Variants in KLHDC4 observed in about 807,000 individuals in gnomAD.
KLHDC4 encodes the protein kelch domain-containing protein 4.
KLHDC4 carries 90 observed loss-of-function variants against 62.4 expected under a neutral mutation model. The observed-to-expected ratio is 1.44, with a 90% confidence interval of 1.22 to 1.72. KLHDC4 has a LOEUF of 1.72. Ranked by LOEUF, KLHDC4 falls within the 40% of genes most tolerant of loss-of-function variation. KLHDC4 has a pLI of 0.00. For synonymous variants in KLHDC4, 386 were observed against 284.4 expected (o/e 1.36, Z -3.59); for missense variants, 1,025 against 699.7 (o/e 1.47, Z -5.25).
downstream of KLHDC4, among the ~76,000 whole-genome samples, chr16:87,704,209 C>T (rs994709515): frequency 6.6e-6 from 1 of 152,254 alleles, no homozygotes; most frequent in Non-Finnish European, 1.5e-5. Flanking sequence ...CGCCTCGTCA[C>T]CTGAACGACA....
rs1039792317 is a variant in KLHDC4, at chr16:87,701,521, C to T, written c.*118G>A. 3.6e-4 allele frequency: 131 copies of T among 366,670 alleles called. 1 individual carries two copies. Among genetic ancestry groups the T allele is most frequent in the Admixed American group, 6.0e-4 (18 of 30,116 alleles). 22.7% of individuals were successfully genotyped at this position (366,670 alleles called of 1,614,324 possible). ...CTAGGAGAAGCAAGCAGCCCCGTGA[C>T]GGGCACAGGCCACAGTGTGGGCGTG... On this transcript the variant is annotated 3_prime_UTR_variant, in exon 1 of 1. Coordinates refer to the KLHDC4 transcript ENST00000446344.
At chr16:87,735,164 G>C (rs1412844203) in intron 5 of KLHDC4, among the ~76,000 whole-genome samples, 1 of 151,976 alleles carries the variant, frequency 6.6e-6, no homozygotes. Flanking sequence ...GCCAGGCATG[G>C]TGGCGGGCGC....
chr16:87,752,367 C>T (rs924964965), intron 4 of KLHDC4, among the ~76,000 whole-genome samples: 63 of 147,360 alleles, frequency 4.3e-4, no homozygotes, highest in Middle Eastern at 3.7e-3. Context: ...GACAGAGTCT[C>T]GCTCTGTCAC....
At chr16:87,717,609 A>G (rs1382169234) in intron 7 of KLHDC4, among the ~76,000 whole-genome samples, 2 of 152,230 alleles carry the variant, frequency 1.3e-5, no homozygotes, top group South Asian at 2.1e-4. Flanking sequence ...CATTACAGAC[A>G]GTGATTGAGA....
intron 5 of KLHDC4, among the ~76,000 whole-genome samples, chr16:87,740,287 CAT>C (rs1285565648): frequency 4.6e-5 from 7 of 152,206 alleles, no homozygotes; most frequent in African/African-American, 1.2e-4. Flanking sequence ...TCCCACCCGA[CAT>C]GTGTGCATCC....
At chr16:87,702,271 C>T (rs2034178845) in exon 1 of KLHDC4, 1 of 456,358 alleles carries the variant, frequency 2.2e-6, no homozygotes, top group Non-Finnish European at 4.4e-6. Flanking sequence ...CCATAAAGGG[C>T]AGCCACTGTT....
intron 2 of KLHDC4, 65 bp downstream of exon 2, chr16:87,761,884 T>G: frequency 6.7e-7 from 1 of 1,489,260 alleles, no homozygotes; most frequent in Non-Finnish European, 9.3e-7. Flanking sequence ...TGGTGCTATT[T>G]AAAGCAGTTT....
At chr16:87,708,252 A>T (rs375550692) in intron 11 of KLHDC4, 98 bp downstream of exon 11, 56 of 877,454 alleles carry the variant, frequency 6.4e-5, no homozygotes, top group East Asian at 4.2e-4. Flanking sequence ...GTTTTTAAAA[A>T]ATTTACAAAG....
intron 5 of KLHDC4, among the ~76,000 whole-genome samples, chr16:87,733,355 C>T (rs1458221391): frequency 1.3e-5 from 2 of 152,228 alleles, no homozygotes; most frequent in Admixed American, 6.5e-5. Flanking sequence ...AGCAGGTGCT[C>T]AGAAAGCTCG....
intron 7 of KLHDC4, among the ~76,000 whole-genome samples, chr16:87,721,671 G>T (rs59309425): frequency 2.0e-4 from 31 of 152,312 alleles, no homozygotes; most frequent in African/African-American, 7.2e-4. Context: ...GTCTGCTTCT[G>T]GTATTCCAGG....
At position 87,748,711 on chromosome 16, in the gene KLHDC4, C is replaced by G; in HGVS notation, c.468G>C (p.Trp156Cys). The G allele has an allele frequency of 1.2e-6, 2 of 1,613,614 alleles. No homozygotes were observed. The highest frequency in any genetic ancestry group is 1.7e-6 in the Non-Finnish European group (2 of 1,179,946). ...AGGTCTTGGTGGCCAAATGCAGGAC[C>G]CAGAGATCCTTGTAGTGGTAGAACT... is the stretch of plus-strand genomic sequence containing the variant. Reference protein sequence around the residue: ...GEQFYHYKDLWVLHLATKTWE... With the variant: ...GEQFYHYKDLCVLHLATKTWE... The change falls in exon 5 of 12, where the codon TGG becomes TGC. Residue 156 changes from tryptophan to cysteine, a missense_variant. Coordinates refer to ENST00000270583, the MANE Select transcript of KLHDC4 (RefSeq NM_017566.4).
intron 5 of KLHDC4, among the ~76,000 whole-genome samples, chr16:87,738,392 TCCAA>T (rs1361245484): frequency 6.6e-6 from 1 of 151,870 alleles, no homozygotes. Context: ...TATATCTTCA[TCCAA>T]CCAAACAGTA....
At chr16:87,748,359 C>T (rs536576428) in intron 5 of KLHDC4, among the ~76,000 whole-genome samples, 2 of 152,328 alleles carry the variant, frequency 1.3e-5, no homozygotes, top group South Asian at 2.1e-4. Flanking sequence ...GCACCCAGAG[C>T]TGCCTCCAAT....
intron 5 of KLHDC4, chr16:87,739,964 G>A (rs934397108): frequency 1.3e-5 from 2 of 152,270 alleles, no homozygotes; most frequent in Non-Finnish European, 2.9e-5. Flanking sequence ...TTTAAAGGGT[G>A]ATTTGAGGGT....
intron 5 of KLHDC4, among the ~76,000 whole-genome samples, chr16:87,733,121 C>T (rs1022292620): frequency 7.5e-5 from 7 of 93,318 alleles, no homozygotes; most frequent in South Asian, 3.6e-4. Context: ...CAGCTTCTAT[C>T]GGTGAAAAGG....
intron 6 of KLHDC4, among the ~76,000 whole-genome samples, chr16:87,727,181 T>TTTACCAAG (rs3834959): frequency 0.66 from 99,983 of 151,430 alleles, 33,314 homozygotes; most frequent in African/African-American, 0.75. Context: ...GGGCAACATT[T>TTTACCAAG]TCACCTGTTT....
At chr16:87,729,977 G>A (rs933567170) in intron 6 of KLHDC4, among the ~76,000 whole-genome samples, 2 of 151,992 alleles carry the variant, frequency 1.3e-5, no homozygotes, top group African/African-American at 4.8e-5. Flanking sequence ...TTTTTCAAAC[G>A]AAGTCTCGCT....
chr16:87,759,817 G>A lies in KLHDC4; in HGVS notation c.191+2132C>T, dbSNP rs573829352. Among the ~76,000 whole-genome samples the A allele has an allele frequency of 3.9e-5, 6 of 152,222 alleles. No homozygotes were observed. In the South Asian group the frequency reaches 1.2e-3, roughly 32 times the overall value. On this transcript the variant is annotated intron_variant, in intron 2 of 11. Coordinates refer to ENST00000270583, the MANE Select transcript of KLHDC4 (RefSeq NM_017566.4). ...CTCACTGAATACCTATTGATTTTCT[G>A]CAGAAAAGCACCAAACACAACTTCA...
At chr16:87,747,109 A>C (rs531403130) in intron 5 of KLHDC4, among the ~76,000 whole-genome samples, 1 of 152,356 alleles carries the variant, frequency 6.6e-6, no homozygotes, top group Non-Finnish European at 1.5e-5. Context: ...TCCGAGTGAC[A>C]GAACCAGCAA....
Sources: allele counts gnomAD v4.1 joint callset (sites outside exome capture counted in the v4.1 genomes callset), GRCh38; gene constraint gnomAD v4.1.1; transcripts MANE v1.5; gene names NCBI Gene and HGNC (gene_info 2026-07-23, HGNC 2026-07-21).